PATZ1: variants seen among roughly 807,000 people sequenced by gnomAD.
PATZ1 encodes POZ/BTB and AT hook containing zinc finger 1.
In PATZ1, 9 loss-of-function variants were observed where a neutral mutation model predicts 46.2. That is an observed-to-expected ratio of 0.19 (90% CI 0.12 to 0.34). The LOEUF is 0.34. Ranked by LOEUF, PATZ1 falls within the 10% of genes least tolerant of loss-of-function variation. The pLI is 1.00. For synonymous variants in PATZ1, 426 were observed against 378.6 expected (o/e 1.13, Z -1.45); for missense variants, 632 against 923.0 (o/e 0.68, Z 4.08).
Position 31,328,673 on chromosome 22 carries a change from TCTC to T in PATZ1, c.1645+111_1645+113del, listed in dbSNP as rs1569023314. 1.1e-6 allele frequency: 1 copy of T among 900,956 alleles called. No homozygotes were observed. The highest frequency in any genetic ancestry group is 1.8e-6 in the Non-Finnish European group (1 of 557,306). 55.8% of individuals were successfully genotyped at this position (900,956 alleles called of 1,614,324 possible). A position where few individuals can be genotyped will look rare whatever the true frequency, so the allele number is the denominator to read the frequency against. On this transcript the variant is annotated intron_variant, in intron 4 of 4. Transcript: ENST00000266269. This position sits in a 1 kb window ranked among gnomAD's most constrained non-coding sequence, Gnocchi z 4.8. ...GGCCACTGCCACTCAGATCTCTGAG[TCTC>T]CTCAAGGCAGCCAGAAAGCCGGCAG...
rs768984900 is a variant in PATZ1, at chr22:31,335,767, G to A, written c.1432C>T (p.Arg478Trp). ...AGGTGGTCTGCCATGTATGCTGCCCGCAAGTACTTCCCACACACCTGGCAG... is the reference window on the plus strand; with the variant it reads ...AGGTGGTCTGCCATGTATGCTGCCCACAAGTACTTCCCACACACCTGGCAG... The part of the protein sequence containing the change: ...VPCQVCGKYL[R>W]AAYMADHLKK... Residue 478 changes from arginine to tryptophan, a missense_variant, in exon 3 of 5, where the codon CGG becomes TGG. Physicochemically the swap from Arg to Trp is moderately radical, Grantham distance 101 (BLOSUM62 -3). Transcript: ENST00000266269. 1.9e-6 allele frequency: 3 copies of A among 1,614,148 alleles called. No homozygotes were observed. Among genetic ancestry groups the A allele is most frequent in the Non-Finnish European group, 2.5e-6 (3 of 1,180,030 alleles).
Position 31,345,923 on chromosome 22 carries a change from G to T in PATZ1, c.-321C>A. 1 of 305,820 alleles carries T rather than the reference G, an allele frequency of 3.3e-6. No homozygotes were observed. Among genetic ancestry groups the T allele is most frequent in the Non-Finnish European group, 6.0e-6 (1 of 166,552 alleles). 18.9% of individuals were successfully genotyped at this position (305,820 alleles called of 1,614,324 possible). A position where few individuals can be genotyped will look rare whatever the true frequency, so the allele number is the denominator to read the frequency against. On this transcript the variant is annotated 5_prime_UTR_variant, in exon 1 of 5. Coordinates refer to ENST00000266269, the MANE Select transcript of PATZ1 (RefSeq NM_014323.3). The surrounding 1 kb of genome is among the most constrained non-coding windows in gnomAD (Gnocchi z 7.4). ...GCGAGCGAAGAGGTGCGCCCCTCCT[G>T]CAAACGCGCCTGCCACCTCCCCTCC...
chr22:31,343,880 TTC>T (rs2049613604), intron 1 of PATZ1, among the ~76,000 whole-genome samples: 1 of 152,160 alleles, frequency 6.6e-6, no homozygotes, highest in Non-Finnish European at 1.5e-5. Flanking sequence ...ATGGCCAGTG[TTC>T]TGTGTTGGGG....
chr22:31,330,784 C>G (rs2049431807), intron 3 of PATZ1, among the ~76,000 whole-genome samples: 1 of 152,160 alleles, frequency 6.6e-6, no homozygotes, highest in Non-Finnish European at 1.5e-5. Context: ...TGTCTTAGCC[C>G]TGAGCCCTAG....
intron 3 of PATZ1, 48 bp downstream of exon 3, chr22:31,335,644 C>G (rs1459363080): frequency 1.3e-6 from 2 of 1,579,056 alleles, no homozygotes; most frequent in East Asian, 4.5e-5. Context: ...GCCTCCCATA[C>G]ACGCTCAGGC....
intron 3 of PATZ1, among the ~76,000 whole-genome samples, chr22:31,329,390 A>T (rs1019487237): frequency 3.9e-5 from 6 of 152,364 alleles, no homozygotes; most frequent in Non-Finnish European, 8.8e-5. Context: ...AGGAAACTGG[A>T]CAACAAACGA....
chr22:31,341,793 T>C, intron 2 of PATZ1: 1 of 874,134 alleles, frequency 1.1e-6, no homozygotes, highest in Non-Finnish European at 1.8e-6. Flanking sequence ...ACTACCTGAG[T>C]CAGAATGTGC....
intron 2 of PATZ1, chr22:31,341,757 C>A: frequency 7.5e-7 from 1 of 1,337,974 alleles, no homozygotes; most frequent in South Asian, 1.4e-5. Context: ...CTGGGCTCCT[C>A]CTACTCTGCC....
chr22:31,326,945 T>C lies in PATZ1; in HGVS notation c.2010A>G (p.Ser670=), dbSNP rs1456591316. ...GFQIVQSAFA[S]SLVDPEVDQQ... is the part of the protein sequence containing the mutation. The stretch of plus-strand genomic sequence containing the variant: ...GGTCAACCTCAGGATCTACTAAAGA[T>C]GACGCAAATGCCGACTGAACAATCT... The change falls in exon 5 of 5, where the codon TCA becomes TCG. Residue 670 remains serine (S), a synonymous_variant. Transcript: ENST00000266269. 2 of 1,614,126 alleles carry C rather than the reference T, an allele frequency of 1.2e-6. No individual in the cohort carries two copies.
Position 31,335,753 on chromosome 22 carries a change from C to T in PATZ1, c.1446G>A (p.Met482Ile), listed in dbSNP as rs1263741903. The T allele has an allele frequency of 1.2e-6, 2 of 1,614,140 alleles. No individual in the cohort carries two copies. The highest frequency in any genetic ancestry group is 3.3e-5 in the Admixed American group (2 of 60,024). ...CGCTGTGCTTCTTCAGGTGGTCTGC[C>T]ATGTATGCTGCCCGCAAGTACTTCC... ...VCGKYLRAAY[M>I]ADHLKKHSEG... The change falls in exon 3 of 5, where the codon ATG becomes ATA. Residue 482 changes from methionine (M) to isoleucine (I), a missense_variant. Around this residue, in one of 7 missense-constraint regions of PATZ1, gnomAD observed 55 missense variants for 169.0 expected, o/e 0.33. Transcript: ENST00000266269.
At position 31,344,756 on chromosome 22, in the gene PATZ1, G is replaced by A; in HGVS notation, c.847C>T (p.Pro283Ser). Residue 283 changes from proline to serine, a missense_variant, in exon 1 of 5, where the codon CCA (proline) becomes TCA (serine). Pro to Ser is a moderately conservative substitution (Grantham distance 74). This residue lies in a region of PATZ1 where 279 missense variants were observed against 284.3 expected (regional missense o/e 0.98). Transcript: ENST00000266269. ...ANLLDSMFGS[P>S]GGLREAGILP... ...ATGCCTGCCTCCCTCAGGCCCCCTG[G>A]GGACCCAAACATTGAGTCCAGCAGG... The A allele has an allele frequency of 1.2e-6, 2 of 1,609,548 alleles. No individual in the cohort carries two copies. Among genetic ancestry groups the A allele is most frequent in the Non-Finnish European group, 8.5e-7 (1 of 1,177,366 alleles).
rs1004108871 is a variant in PATZ1, at chr22:31,345,920, C to T, written c.-318G>A. ...TGCGCGAGCGAAGAGGTGCGCCCCTCCTGCAAACGCGCCTGCCACCTCCCC... is the reference window on the plus strand; with the variant it reads ...TGCGCGAGCGAAGAGGTGCGCCCCTTCTGCAAACGCGCCTGCCACCTCCCC... On this transcript the variant is annotated 5_prime_UTR_variant, in exon 1 of 5. Coordinates refer to ENST00000266269, the MANE Select transcript of PATZ1 (RefSeq NM_014323.3). This position sits in a 1 kb window ranked among gnomAD's most constrained non-coding sequence, Gnocchi z 7.4. 4 of 312,500 alleles carry T rather than the reference C, an allele frequency of 1.3e-5. No individual in the cohort carries two copies. The highest frequency in any genetic ancestry group is 9.7e-5 in the East Asian group (2 of 20,678). The allele number at this position is 312,500 out of a possible 1,614,324, so 19.4% of individuals were successfully genotyped here. A position where few individuals can be genotyped will look rare whatever the true frequency, so the allele number is the denominator to read the frequency against.
At chr22:31,335,984 C>G in intron 2 of PATZ1, 121 bp from the exon 3 acceptor site, 1 of 884,952 alleles carries the variant, frequency 1.1e-6, no homozygotes, top group Non-Finnish European at 1.7e-6. Context: ...TTTATAAAGA[C>G]AGCTTTAGAG....
chr22:31,344,127 C>CA (rs1334960757), intron 1 of PATZ1, among the ~76,000 whole-genome samples: 1 of 152,058 alleles, frequency 6.6e-6, no homozygotes, highest in Non-Finnish European at 1.5e-5. Context: ...CACTTAGCGT[C>CA]AAAAAAACTT....
chr22:31,337,722 C>T (rs560314818), intron 2 of PATZ1: 1 of 152,364 alleles, frequency 6.6e-6, no homozygotes, highest in South Asian at 2.1e-4. Flanking sequence ...TGGTAACCCA[C>T]TGAAGACCAC....
In PATZ1 at chr22:31,334,619, C is replaced by T. The variant is rs1028982451; in HGVS notation, c.1507+1073G>A. Among the ~76,000 whole-genome samples the T allele has an allele frequency of 3.3e-5, 5 of 152,286 alleles. No individual in the cohort carries two copies. In the South Asian group the frequency reaches 6.2e-4, roughly 19 times the overall value. On this transcript the variant is annotated intron_variant, in intron 3 of 4. Transcript: ENST00000266269. ...GCAAGGATAGAGTCTCCCAAGTGTG[C>T]GGCTCCTTTCACCTACCTTGTCTCC...
Position 31,326,602 on chromosome 22 carries a change from C to T in PATZ1, c.*289G>A. 1 of 340,120 alleles carries T rather than the reference C, an allele frequency of 2.9e-6. No individual in the cohort carries two copies. The highest frequency in any genetic ancestry group is 5.4e-6 in the Non-Finnish European group (1 of 186,596). 21.1% of individuals were successfully genotyped at this position (340,120 alleles called of 1,614,324 possible). ...TGAGCACCAGGAATTCCAGCTTCTT[C>T]CCATTAAAGAAACTGGGACTGGTTT... On this transcript the variant is annotated 3_prime_UTR_variant, in exon 5 of 5. Transcript: ENST00000266269.
intron 3 of PATZ1, among the ~76,000 whole-genome samples, 181 bp from the exon 4 acceptor site, chr22:31,329,105 T>C (rs1226154296): frequency 1.3e-5 from 2 of 152,062 alleles, no homozygotes; most frequent in Admixed American, 6.5e-5. Flanking sequence ...GGATGGAGGG[T>C]GGCACTGTCC....
intron 3 of PATZ1, 91 bp downstream of exon 3, chr22:31,335,601 G>T (rs914670823): frequency 1.3e-5 from 16 of 1,218,962 alleles, no homozygotes; most frequent in Non-Finnish European, 1.8e-5. Context: ...GCAAAGAGTG[G>T]AGTCTGAGGC....
Sources: allele counts gnomAD v4.1 joint callset (sites outside exome capture counted in the v4.1 genomes callset), GRCh38; gene constraint gnomAD v4.1.1; regional missense constraint gnomAD v4.1.1; non-coding constraint Gnocchi (gnomAD v3.1); transcripts MANE v1.5; gene names NCBI Gene and HGNC (gene_info 2026-07-23, HGNC 2026-07-21).